The following SLTM variants were observed in gnomAD, a reference collection of about 807,000 sequenced individuals.
SLTM encodes the protein SAFB like transcription modulator, also known as SAFB-like transcription modulator.
SLTM carries 43 observed loss-of-function variants against 134.6 expected under a neutral mutation model. That is an observed-to-expected ratio of 0.32 (90% confidence interval 0.25 to 0.41). The LOEUF (loss-of-function observed/expected upper bound fraction) is 0.41, where lower values mean the gene tolerates loss of function less well. SLTM is among the 10% of genes least tolerant of loss of function. The probability of loss-of-function intolerance (pLI) is 1.00; values close to 1 mark genes in which losing one functional copy is unlikely to be tolerated. For synonymous variants in SLTM, 424 were observed against 432.3 expected, an observed-to-expected ratio of 0.98 and a Z score of 0.24; for missense variants, 1,055 against 1,288.8, an observed-to-expected ratio of 0.82 and a Z score of 2.78.
intron 2 of SLTM, among the ~76,000 whole-genome samples, chr15:58,929,221 C>T (rs1013672970): frequency 2.7e-4 from 41 of 152,062 alleles, no homozygotes; most frequent in African/African-American, 8.9e-4. Flanking sequence ...GAGGCCGAGG[C>T]GGGAGGATTA....
chr15:58,913,660 C>G lies in SLTM; in HGVS notation c.352G>C (p.Asp118His). ...ELENQEAHEQ[D>H]GNDELKDSEE... ...GAGTCCTTTAGTTCATCATTTCCAT[C>G]TTGCTCATGTGCCTCTTGATTCTCC... Residue 118 changes from aspartate (D) to histidine (H), a missense_variant, in exon 4 of 21, where the codon GAT (aspartate) becomes CAT (histidine). By Grantham distance (81) the Asp-to-His change is moderately conservative. Around this residue, in one of 3 missense-constraint regions of SLTM, gnomAD observed 268 missense variants for 284.3 expected, o/e 0.94. Coordinates refer to ENST00000380516, the MANE Select transcript of SLTM (RefSeq NM_024755.4). 1 of 1,613,632 alleles carries G rather than the reference C, an allele frequency of 6.2e-7. No individual in the cohort carries two copies. Among genetic ancestry groups the G allele is most frequent in the Non-Finnish European group, 8.5e-7 (1 of 1,179,854 alleles).
intron 19 of SLTM, among the ~76,000 whole-genome samples, chr15:58,886,222 T>TGTGA (rs1240614318): frequency 3.7e-5 from 2 of 53,754 alleles, no homozygotes; most frequent in Non-Finnish European, 6.9e-5. Flanking sequence ...AAGAAGAGTG[T>TGTGA]GTGTGTGTGT....
At chr15:58,921,565 T>A (rs2037047848) in intron 2 of SLTM, 1 of 445,040 alleles carries the variant, frequency 2.2e-6, no homozygotes, top group Non-Finnish European at 4.5e-6. Context: ...CACTGGACAT[T>A]TAATGTTTCA....
At chr15:58,896,911 A>G (rs1204868551) in intron 9 of SLTM, among the ~76,000 whole-genome samples, 2 of 152,258 alleles carry the variant, frequency 1.3e-5, no homozygotes, top group African/African-American at 4.8e-5. Flanking sequence ...AAGATTCCCA[A>G]GGCTCAGAGA....
At chr15:58,908,783 G>C (rs2036059000) in intron 5 of SLTM, among the ~76,000 whole-genome samples, 1 of 152,104 alleles carries the variant, frequency 6.6e-6, no homozygotes, top group Admixed American at 6.5e-5. Context: ...TTAAAACACA[G>C]TGTTCATCCC....
intron 14 of SLTM, among the ~76,000 whole-genome samples, chr15:58,890,782 A>G (rs1486940027): frequency 6.6e-6 from 1 of 152,216 alleles, no homozygotes; most frequent in Non-Finnish European, 1.5e-5. Context: ...TGTAATCTGC[A>G]TATGTAAATT....
intron 20 of SLTM, among the ~76,000 whole-genome samples, chr15:58,883,066 G>A (rs187912053): frequency 1.3e-3 from 196 of 152,350 alleles, no homozygotes; most frequent in African/African-American, 4.5e-3. Context: ...TGTAATCTCA[G>A]CACTTTGGGA....
Position 58,899,632 on chromosome 15 carries a change from T to G in SLTM, c.895A>C (p.Met299Leu), listed in dbSNP as rs1337714920. 1.2e-6 allele frequency: 2 copies of G among 1,614,222 alleles called. No individual in the cohort carries two copies. The highest frequency in any genetic ancestry group is 2.7e-5 in the African/African-American group (2 of 75,076). Residue 299 changes from methionine to leucine, a missense_variant, in exon 7 of 21, where the codon ATG becomes CTG. Physicochemically the swap from Met to Leu is conservative, Grantham distance 15. This residue lies in a region of SLTM where 776 missense variants were observed against 962.2 expected (regional missense o/e 0.81). Transcript: ENST00000380516. This position sits in a 1 kb window ranked among gnomAD's most constrained non-coding sequence, Gnocchi z 5.0. ...TTACCATCTTTATGGTTCGCATTCA[T>G]CTCATAATCCTTGCTTTCCTTCTCC... ...SPEKESKDYE[M>L]NANHKDGKKE...
intron 8 of SLTM, chr15:58,898,404 T>C (rs2035245800): frequency 6.5e-6 from 1 of 155,010 alleles, no homozygotes; most frequent in South Asian, 2.0e-4. Context: ...ACTCCACAAA[T>C]ACACACAAGT....
chr15:58,930,066 T>G (rs1446838896), intron 2 of SLTM, among the ~76,000 whole-genome samples: 2 of 152,132 alleles, frequency 1.3e-5, no homozygotes, highest in African/African-American at 4.8e-5. Context: ...TAGAGCTTTT[T>G]GTCATGCATC....
chr15:58,925,261 T>C (rs1474505043), intron 2 of SLTM, among the ~76,000 whole-genome samples: 1 of 152,182 alleles, frequency 6.6e-6, no homozygotes, highest in African/African-American at 2.4e-5. Context: ...AACTGACATT[T>C]TACTAACAAA....
chr15:58,915,633 G>T, intron 3 of SLTM, among the ~76,000 whole-genome samples: 1 of 152,026 alleles, frequency 6.6e-6, no homozygotes, highest in East Asian at 1.9e-4. Context: ...ACGGATCCCT[G>T]GGCAAACAGT....
chr15:58,920,892 T>C (rs572372832), intron 2 of SLTM, among the ~76,000 whole-genome samples: 59 of 151,940 alleles, frequency 3.9e-4, no homozygotes, highest in African/African-American at 1.3e-3. Context: ...GAGGTGAAGG[T>C]TGCAGTGAGC....
At chr15:58,922,769 G>A (rs1166170651) in intron 2 of SLTM, among the ~76,000 whole-genome samples, 1 of 150,962 alleles carries the variant, frequency 6.6e-6, no homozygotes, top group Non-Finnish European at 1.5e-5. Flanking sequence ...CTGGAGTGCA[G>A]TGGTGTGATC....
rs2035155239 is a variant in SLTM at position 58,897,236 on chromosome 15, A to G, written c.1109-3T>C. The G allele has an allele frequency of 6.6e-7, 1 of 1,505,930 alleles. No homozygotes were observed. Among genetic ancestry groups the G allele is most frequent in the Non-Finnish European group, 9.2e-7 (1 of 1,084,518 alleles). The allele number at this position is 1,505,930 out of a possible 1,614,324, so 93.3% of individuals were successfully genotyped here. A position where few individuals can be genotyped will look rare whatever the true frequency, so the allele number is the denominator to read the frequency against. On this transcript the variant is annotated splice_region_variant and splice_polypyrimidine_tract_variant and intron_variant, in intron 8 of 20. Coordinates refer to ENST00000380516, the MANE Select transcript of SLTM (RefSeq NM_024755.4). The stretch of plus-strand genomic sequence containing the variant: ...ACCACTAGTACTACTTGTACTTCCT[A>G]GAATAGATTTAATATCAGATGTTTA...
intron 2 of SLTM, among the ~76,000 whole-genome samples, chr15:58,927,952 CAT>C (rs2037597981): frequency 6.6e-6 from 1 of 152,206 alleles, no homozygotes; most frequent in Middle Eastern, 3.4e-3. Flanking sequence ...ACAGAGTAAA[CAT>C]GTACTTAATT....
intron 5 of SLTM, among the ~76,000 whole-genome samples, chr15:58,905,976 A>T (rs570681138): frequency 6.6e-6 from 1 of 152,322 alleles, no homozygotes; most frequent in South Asian, 2.1e-4. Context: ...ACTGATTACA[A>T]TGTGGTTGGA....
intron 17 of SLTM, 141 bp downstream of exon 17, chr15:58,888,244 C>G (rs1252354693): frequency 3.3e-6 from 2 of 609,708 alleles, no homozygotes; most frequent in Non-Finnish European, 2.7e-6. Flanking sequence ...GAATCACATT[C>G]CCATTAACAG....
chr15:58,914,027 T>C (rs2036460775), intron 3 of SLTM, among the ~76,000 whole-genome samples: 1 of 152,234 alleles, frequency 6.6e-6, no homozygotes, highest in Non-Finnish European at 1.5e-5. Flanking sequence ...CATTTTTCCA[T>C]GTGCCATATG....
Sources: allele counts gnomAD v4.1 joint callset (sites outside exome capture counted in the v4.1 genomes callset), GRCh38; gene constraint gnomAD v4.1.1; regional missense constraint gnomAD v4.1.1; non-coding constraint Gnocchi (gnomAD v3.1); transcripts MANE v1.5; gene names NCBI Gene and HGNC (gene_info 2026-07-23, HGNC 2026-07-21).